The following FAF1 variants were observed in gnomAD, a reference collection of about 807,000 sequenced individuals.
FAF1 encodes FAS-associated factor 1.
Under a neutral mutation model 92.5 loss-of-function variants are expected in FAF1, and 25 were observed. The ratio of observed to expected loss-of-function variants is 0.27; its 90% CI spans 0.20 to 0.38. FAF1 has a LOEUF of 0.38. FAF1 is among the 10% of genes least tolerant of loss of function. The pLI is 1.00. For synonymous variants in FAF1, 234 were observed against 273.2 expected, an observed-to-expected ratio of 0.86 and a Z score of 1.42; for missense variants, 636 against 793.3, an observed-to-expected ratio of 0.80 and a Z score of 2.38.
At chr1:50,816,304 A>C (rs1643974813) in intron 2 of FAF1, among the ~76,000 whole-genome samples, 1 of 143,464 alleles carries the variant, frequency 7.0e-6, no homozygotes, top group Non-Finnish European at 1.5e-5. Flanking sequence ...TCCCGTGTTC[A>C]CGCCATTCTC....
chr1:50,679,306 TAA>T (rs753223288), intron 7 of FAF1, among the ~76,000 whole-genome samples: 4 of 129,714 alleles, frequency 3.1e-5, no homozygotes, highest in Non-Finnish European at 1.6e-5. Context: ...TTTACTTTCT[TAA>T]AAAAAAAAAA....
chr1:50,709,742 A>G (rs1360083853), intron 6 of FAF1, among the ~76,000 whole-genome samples: 1 of 152,228 alleles, frequency 6.6e-6, no homozygotes, highest in Non-Finnish European at 1.5e-5. Flanking sequence ...TGCCTGCTAG[A>G]AGTTTACCGC....
chr1:50,837,929 G>T (rs998391575), intron 2 of FAF1, among the ~76,000 whole-genome samples: 1 of 152,126 alleles, frequency 6.6e-6, no homozygotes, highest in South Asian at 2.1e-4. Context: ...ATTTTTAGCA[G>T]AGACGGGGTT....
intron 4 of FAF1, among the ~76,000 whole-genome samples, chr1:50,767,922 G>T (rs532572475): frequency 1.3e-5 from 2 of 152,286 alleles, no homozygotes; most frequent in Admixed American, 1.3e-4. Flanking sequence ...ACAATCCGAT[G>T]ACTGGATCAA....
At chr1:50,859,953 C>T (rs182036796) in intron 1 of FAF1, among the ~76,000 whole-genome samples, 51 of 151,874 alleles carry the variant, frequency 3.4e-4, no homozygotes, top group Admixed American at 2.7e-3. Context: ...GCTTGCACAA[C>T]TACAGCCATT....
intron 2 of FAF1, among the ~76,000 whole-genome samples, chr1:50,853,581 T>C (rs1644368845): frequency 6.6e-6 from 1 of 152,084 alleles, no homozygotes; most frequent in Non-Finnish European, 1.5e-5. Context: ...AGTTCAAAAA[T>C]CATTTCCTAA....
chr1:50,535,333 T>A (rs894841256), intron 15 of FAF1, 36 bp downstream of exon 15: 14 of 1,315,952 alleles, frequency 1.1e-5, no homozygotes, highest in Non-Finnish European at 1.5e-5. Flanking sequence ...TATTAAAATC[T>A]CATCAAAATC....
chr1:50,545,278 T>C (rs1255543937), intron 13 of FAF1, among the ~76,000 whole-genome samples: 2 of 151,384 alleles, frequency 1.3e-5, no homozygotes, highest in Non-Finnish European at 3.0e-5. Context: ...TATAGCTACA[T>C]ATATATATAT....
At chr1:50,765,604 CT>C (rs1660537417) in intron 4 of FAF1, among the ~76,000 whole-genome samples, 1 of 152,124 alleles carries the variant, frequency 6.6e-6, no homozygotes, top group African/African-American at 2.4e-5. Context: ...TTACTGCAAT[CT>C]TACAATAACT....
intron 3 of FAF1, among the ~76,000 whole-genome samples, chr1:50,795,504 T>G (rs1661716451): frequency 6.6e-6 from 1 of 152,182 alleles, no homozygotes. Context: ...ACAGAATGAC[T>G]TACTAAAGAT....
intron 2 of FAF1, among the ~76,000 whole-genome samples, chr1:50,831,211 T>C (rs1644149483): frequency 6.6e-6 from 1 of 152,196 alleles, no homozygotes; most frequent in Non-Finnish European, 1.5e-5. Context: ...AATAGATCTT[T>C]AATGCACTCT....
intron 4 of FAF1, among the ~76,000 whole-genome samples, chr1:50,753,578 T>C (rs950866167): frequency 6.6e-6 from 1 of 152,190 alleles, no homozygotes; most frequent in South Asian, 2.1e-4. Flanking sequence ...TTTTCTTCAA[T>C]GTCAGATCTG....
At chr1:50,618,449 G>C (rs1653036823) in intron 8 of FAF1, among the ~76,000 whole-genome samples, 1 of 132,212 alleles carries the variant, frequency 7.6e-6, no homozygotes, top group Non-Finnish European at 1.6e-5. Context: ...TTTCAGTAGA[G>C]ATGGGGATTT....
intron 1 of FAF1, among the ~76,000 whole-genome samples, chr1:50,919,571 T>C (rs1644946614): frequency 1.3e-5 from 2 of 150,874 alleles, no homozygotes; most frequent in African/African-American, 2.4e-5. Flanking sequence ...CACTGCAACC[T>C]CCGCCTCCCG....
At chr1:50,758,538 T>A (rs1018851279) in intron 4 of FAF1, among the ~76,000 whole-genome samples, 1 of 152,252 alleles carries the variant, frequency 6.6e-6, no homozygotes, top group Non-Finnish European at 1.5e-5. Flanking sequence ...AATTCTCATT[T>A]AAATAAATTT....
intron 15 of FAF1, among the ~76,000 whole-genome samples, chr1:50,507,953 T>C (rs1018684997): frequency 6.6e-6 from 1 of 152,200 alleles, no homozygotes; most frequent in African/African-American, 2.4e-5. Context: ...TAGAGATTTC[T>C]CCAAAGAAGA....
At chr1:50,766,922 C>A (rs1363182621) in intron 4 of FAF1, among the ~76,000 whole-genome samples, 2 of 152,016 alleles carry the variant, frequency 1.3e-5, no homozygotes, top group Non-Finnish European at 2.9e-5. Flanking sequence ...TGTCTTCTCA[C>A]CTCCACACAA....
chr1:50,503,899 A>G (rs72898966), intron 15 of FAF1, among the ~76,000 whole-genome samples: 19,328 of 152,134 alleles, frequency 0.13, 1,625 homozygotes, highest in African/African-American at 0.23. Context: ...AGAGACAGCA[A>G]AGAGGGATGA....
intron 8 of FAF1, among the ~76,000 whole-genome samples, 188 bp from the exon 9 acceptor site, chr1:50,596,404 G>T (rs561563485): frequency 2.6e-5 from 4 of 152,274 alleles, no homozygotes; most frequent in African/African-American, 9.6e-5. Context: ...TGTTATGGTA[G>T]CTAAGGCTAA....
Sources: gnomAD v4.1 joint callset for allele counts (sites outside exome capture counted in the v4.1 genomes callset) on GRCh38, gnomAD v4.1.1 for gene constraint, MANE v1.5 for transcripts, NCBI Gene and HGNC (gene_info 2026-07-23, HGNC 2026-07-21) for gene names.